Variants in FHDC1 observed in about 807,000 individuals in gnomAD.
FHDC1 encodes FH2 domain containing 1, also known as FH2 domain-containing protein 1.
A neutral mutation model predicts 52.6 loss-of-function variants in FHDC1; 25 were observed. The ratio of observed to expected loss-of-function variants is 0.48; its 90% CI spans 0.35 to 0.66. The LOEUF is 0.66. Ranked by LOEUF, FHDC1 falls within the 30% of genes least tolerant of loss-of-function variation. The pLI is 0.01. For synonymous variants in FHDC1, 616 were observed against 581.5 expected (o/e 1.06, Z -0.85); for missense variants, 1,459 against 1,452.8 (o/e 1.00, Z -0.07).
chr4:152,955,248 A>G (rs1432443449), intron 4 of FHDC1, among the ~76,000 whole-genome samples: 2 of 152,200 alleles, frequency 1.3e-5, no homozygotes, highest in Non-Finnish European at 2.9e-5. Flanking sequence ...ACCATGATAT[A>G]AAGTTATTTA....
At chr4:152,946,874 T>C (rs1739748823) in intron 2 of FHDC1, among the ~76,000 whole-genome samples, 1 of 152,134 alleles carries the variant, frequency 6.6e-6, no homozygotes, top group South Asian at 2.1e-4. Flanking sequence ...ATAGGGAAGA[T>C]TGGAGAATGG....
At position 152,962,856 on chromosome 4, in the gene FHDC1, T is replaced by C. The variant is rs763903554; in HGVS notation, c.893T>C (p.Val298Ala). The C allele has an allele frequency of 1.9e-6, 3 of 1,614,062 alleles. No individual in the cohort carries two copies. In the South Asian group the frequency reaches 3.3e-5, roughly 18 times the overall value. ...CEELHSILHL[V>A]LQAGNIMNAG... ...GAGCTACATTCAATATTACACTTGG[T>C]GCTCCAGGCTGGGAATATCATGAAT... The change falls in exon 7 of 12, where the codon GTG (valine) becomes GCG (alanine). Residue 298 changes from valine (V) to alanine (A), a missense_variant. Physicochemically the swap from Val to Ala is moderately conservative, Grantham distance 64. Coordinates refer to ENST00000511601, the MANE Select transcript of FHDC1 (RefSeq NM_001371116.1).
At chr4:152,938,844 A>T (rs912565070) in intron 1 of FHDC1, among the ~76,000 whole-genome samples, 4 of 151,760 alleles carry the variant, frequency 2.6e-5, no homozygotes, top group African/African-American at 9.7e-5. Flanking sequence ...CTGGTGCAGA[A>T]CCACTCATTC....
intron 1 of FHDC1, among the ~76,000 whole-genome samples, chr4:152,936,880 C>G (rs968802514): frequency 6.6e-6 from 1 of 152,276 alleles, no homozygotes; most frequent in African/African-American, 2.4e-5. Context: ...GGTTCCCTAG[C>G]CAGCCGGGGG....
Position 152,960,746 on chromosome 4 carries a change from AT to A in FHDC1, c.754del (p.Ser252HisfsTer9). On this transcript the variant is annotated frameshift_variant, in exon 6 of 12. Transcript: ENST00000511601. LOFTEE classifies it high-confidence loss of function. ...FLYGLIQVPN[Y>X]SLRIEAMVLK... ...AGTTTTACTTTTTTATTTTTCAGCT[AT>A]TCACTTCGGATTGAAGCCATGGTGC... 6.2e-7 allele frequency: 1 copy of A among 1,613,096 alleles called. No homozygotes were observed. The highest frequency in any genetic ancestry group is 8.5e-7 in the Non-Finnish European group (1 of 1,179,762).
chr4:152,917,760 C>T, the FHDC1 span, among the ~76,000 whole-genome samples: 646 of 152,278 alleles, frequency 4.2e-3, 4 homozygotes, highest in African/African-American at 0.014. Flanking sequence ...GACTTTCATT[C>T]GCCGCCTGAT....
In FHDC1 at chr4:152,967,834, A is replaced by G. The variant is rs1740509909; in HGVS notation, c.1101-146A>G. On this transcript the variant is annotated intron_variant, in intron 9 of 11. Coordinates refer to ENST00000511601, the MANE Select transcript of FHDC1 (RefSeq NM_001371116.1). The stretch of plus-strand genomic sequence containing the variant: ...CTTAAAACAGGAGGAAACACAAAAG[A>G]TCTAAATACAGGGGTAGATAAATAT... The G allele has an allele frequency of 6.5e-6, 4 of 615,264 alleles. No homozygotes were observed. In the East Asian group the frequency reaches 8.4e-5, roughly 13 times the overall value. 38.1% of individuals were successfully genotyped at this position (615,264 alleles called of 1,614,324 possible).
In FHDC1 at chr4:152,967,970, C is replaced by A. The variant is rs759294915; in HGVS notation, c.1101-10C>A. ...GTTCCAACTGCCCACTCTCCCCTTTCTTCTTTTAGATTATCTCTGGAGAAC... is the reference window on the plus strand; with the variant it reads ...GTTCCAACTGCCCACTCTCCCCTTTATTCTTTTAGATTATCTCTGGAGAAC... On this transcript the variant is annotated splice_polypyrimidine_tract_variant and intron_variant, in intron 9 of 11. Transcript: ENST00000511601. 6.2e-7 allele frequency: 1 copy of A among 1,607,618 alleles called. No individual in the cohort carries two copies.
At chr4:152,974,146 A>T (rs541645989) in intron 11 of FHDC1, among the ~76,000 whole-genome samples, 3 of 152,252 alleles carry the variant, frequency 2.0e-5, no homozygotes, top group Non-Finnish European at 4.4e-5. Context: ...AATGTGCTAC[A>T]CATGAATGTG....
At chr4:152,939,685 C>T (rs1197587886) in intron 1 of FHDC1, among the ~76,000 whole-genome samples, 17 of 152,210 alleles carry the variant, frequency 1.1e-4, no homozygotes. Context: ...AAACACAACT[C>T]TGATGGGTCA....
chr4:152,916,920 A>G, the FHDC1 span: 4 of 152,172 alleles, frequency 2.6e-5, no homozygotes, highest in Non-Finnish European at 4.4e-5. Context: ...TCCTCGGCTC[A>G]TTTCCAAATT....
At chr4:152,957,148 T>C (rs982260176) in intron 4 of FHDC1, among the ~76,000 whole-genome samples, 8 of 152,294 alleles carry the variant, frequency 5.3e-5, no homozygotes, top group South Asian at 2.1e-4. Flanking sequence ...GGCAGAAATA[T>C]GCTAATAAAT....
At chr4:152,929,688 T>A in the FHDC1 span, among the ~76,000 whole-genome samples, 1 of 152,192 alleles carries the variant, frequency 6.6e-6, no homozygotes, top group South Asian at 2.1e-4. This position sits in a 1 kb window ranked among gnomAD's most constrained non-coding sequence, Gnocchi z 4.1. Flanking sequence ...TTCTCTGCCT[T>A]CTTCCCCTGC....
chr4:152,937,611 C>G (rs894535541), intron 1 of FHDC1, among the ~76,000 whole-genome samples: 1 of 151,618 alleles, frequency 6.6e-6, no homozygotes, highest in African/African-American at 2.4e-5. Flanking sequence ...GGTCGTGCAA[C>G]GCCCGCGCTG....
chr4:152,951,516 C>T (rs1739926236), intron 2 of FHDC1, among the ~76,000 whole-genome samples: 1 of 152,038 alleles, frequency 6.6e-6, no homozygotes, highest in African/African-American at 2.4e-5. Context: ...AATAATGTGA[C>T]TGTTAAAGAT....
intron 9 of FHDC1, among the ~76,000 whole-genome samples, chr4:152,966,536 T>A (rs185241920): frequency 1.2e-3 from 177 of 152,230 alleles, no homozygotes; most frequent in African/African-American, 3.9e-3. Context: ...CTTGGCTCAT[T>A]GTAATCTCTG....
chr4:152,918,124 A>G, the FHDC1 span, among the ~76,000 whole-genome samples: 1 of 152,200 alleles, frequency 6.6e-6, no homozygotes, highest in Non-Finnish European at 1.5e-5. Flanking sequence ...GCTGTCTTCA[A>G]GTTTTCAAGC....
At chr4:152,931,929 C>T (rs1405383576), upstream of FHDC1, among the ~76,000 whole-genome samples, 1 of 117,940 alleles carries the variant, frequency 8.5e-6, no homozygotes, top group Non-Finnish European at 1.6e-5. Flanking sequence ...GGAGCGAGAA[C>T]CTGTCTAAAA....
chr4:152,950,895 A>G (rs1398682419), intron 2 of FHDC1, among the ~76,000 whole-genome samples: 1 of 152,256 alleles, frequency 6.6e-6, no homozygotes, highest in Non-Finnish European at 1.5e-5. Context: ...TATCAGTTCA[A>G]CACTGCTCTG....
Sources: allele counts gnomAD v4.1 joint callset (sites outside exome capture counted in the v4.1 genomes callset), GRCh38; gene constraint gnomAD v4.1.1; non-coding constraint Gnocchi (gnomAD v3.1); transcripts MANE v1.5; gene names NCBI Gene and HGNC (gene_info 2026-07-23, HGNC 2026-07-21).